The following ROBO2 variants were observed in gnomAD, a reference collection of about 807,000 sequenced individuals.
The protein encoded by ROBO2 is roundabout guidance receptor 2.
ROBO2 carries 53 observed loss-of-function variants against 160.8 expected under a neutral mutation model. That is an observed-to-expected ratio of 0.33 (90% CI 0.26 to 0.41). The LOEUF (loss-of-function observed/expected upper bound fraction) is 0.41, where lower values mean the gene tolerates loss of function less well. ROBO2 is among the 10% of genes least tolerant of loss of function. The pLI is 1.00. For synonymous variants in ROBO2, 664 were observed against 611.7 expected, an observed-to-expected ratio of 1.09 and a Z score of -1.26; for missense variants, 1,577 against 1,722.4, an observed-to-expected ratio of 0.92 and a Z score of 1.49.
intron 2 of ROBO2, among the ~76,000 whole-genome samples, chr3:76,955,053 C>A (rs1258281034): frequency 6.6e-6 from 1 of 152,150 alleles, no homozygotes; most frequent in Non-Finnish European, 1.5e-5. Flanking sequence ...CCTCTGCTAA[C>A]CTCTAATCTA....
intron 2 of ROBO2, among the ~76,000 whole-genome samples, chr3:77,419,036 G>T (rs1363195237): frequency 6.6e-6 from 1 of 152,180 alleles, no homozygotes; most frequent in African/African-American, 2.4e-5. Context: ...ATCAAGGTTT[G>T]GTTCTTTCTG....
intron 7 of ROBO2, among the ~76,000 whole-genome samples, chr3:77,546,910 G>A (rs1253870693): frequency 2.0e-5 from 3 of 152,056 alleles, no homozygotes; most frequent in East Asian, 3.9e-4. Flanking sequence ...TATATACACA[G>A]CATAAATGAC....
At chr3:77,256,453 A>C (rs866780802) in intron 2 of ROBO2, among the ~76,000 whole-genome samples, 4 of 152,326 alleles carry the variant, frequency 2.6e-5, no homozygotes, top group Middle Eastern at 6.8e-3. Context: ...CATCATTAAG[A>C]ATAAATGGGT....
At chr3:76,587,976 G>A (rs2086162421) in intron 2 of ROBO2, among the ~76,000 whole-genome samples, 1 of 152,040 alleles carries the variant, frequency 6.6e-6, no homozygotes, top group South Asian at 2.1e-4. Flanking sequence ...GGAGATACCT[G>A]ACTTTATTTA....
chr3:76,409,742 G>A (rs905032526), intron 2 of ROBO2, among the ~76,000 whole-genome samples: 1 of 151,914 alleles, frequency 6.6e-6, no homozygotes, highest in Non-Finnish European at 1.5e-5. Flanking sequence ...TTGTAAAAGG[G>A]GGATAGAAGT....
At chr3:76,450,344 A>G (rs541760237) in intron 2 of ROBO2, among the ~76,000 whole-genome samples, 1 of 152,220 alleles carries the variant, frequency 6.6e-6, no homozygotes, top group Non-Finnish European at 1.5e-5. Context: ...TGAGACTTTA[A>G]CTTGTATAAC....
At chr3:76,174,849 C>T (rs2073169460) in intron 2 of ROBO2, among the ~76,000 whole-genome samples, 1 of 152,150 alleles carries the variant, frequency 6.6e-6, no homozygotes, top group South Asian at 2.1e-4. Flanking sequence ...TATATGGGCT[C>T]TTTTTTGGTT....
rs111831494 is a variant in ROBO2 at position 76,674,808 on chromosome 3, C to T, written c.110-423206C>T. On this transcript the variant is annotated intron_variant, in intron 2 of 26. Coordinates refer to the ROBO2 transcript ENST00000487694. ...TGGGCAACCACACACTCACTAGCAA[C>T]GCCTTCACACCTAGGCTTTGTTTTT... Among the ~76,000 whole-genome samples the T allele has an allele frequency of 1.1e-3, 173 of 152,238 alleles. 1 individual carries two copies. The highest frequency in any genetic ancestry group is 3.9e-3 in the African/African-American group (161 of 41,560).
chr3:76,686,448 A>G (rs182143987), intron 2 of ROBO2, among the ~76,000 whole-genome samples: 64 of 148,954 alleles, frequency 4.3e-4, no homozygotes, highest in Non-Finnish European at 3.2e-4. Flanking sequence ...CAATCCTAAT[A>G]TTTTCCTGCT....
chr3:77,070,807 G>T lies in ROBO2; in HGVS notation c.62-27207G>T, dbSNP rs188867651. On this transcript the variant is annotated intron_variant, in intron 1 of 25. Transcript: ENST00000461745. ...GATTTACATTTCAAAGAGGTATCTC[G>T]GGCTATTGCGTAGAGGATGGACTGT... Among the ~76,000 whole-genome samples, 155 of 152,174 alleles carry T rather than the reference G, an allele frequency of 1.0e-3. 1 individual carries two copies. Among genetic ancestry groups the T allele is most frequent in the African/African-American group, 3.6e-3 (149 of 41,522 alleles).
chr3:76,706,872 A>G (rs74847128), intron 2 of ROBO2, among the ~76,000 whole-genome samples: 1,583 of 152,116 alleles, frequency 0.01, 21 homozygotes, highest in African/African-American at 0.027. Context: ...GAGGGTGACA[A>G]TTTTTTTCTA....
At chr3:76,389,758 C>A (rs968422038) in intron 2 of ROBO2, among the ~76,000 whole-genome samples, 11 of 152,190 alleles carry the variant, frequency 7.2e-5, no homozygotes, top group African/African-American at 2.7e-4. Flanking sequence ...CATCTTTCCA[C>A]TTTCCTTTGT....
At chr3:76,715,393 C>A (rs1183910482) in intron 2 of ROBO2, among the ~76,000 whole-genome samples, 1 of 152,164 alleles carries the variant, frequency 6.6e-6, no homozygotes, top group Non-Finnish European at 1.5e-5. Flanking sequence ...CAGTTTTATA[C>A]TTCAGAATTG....
intron 2 of ROBO2, among the ~76,000 whole-genome samples, chr3:76,691,399 A>G (rs1162836680): frequency 1.3e-5 from 2 of 152,126 alleles, no homozygotes; most frequent in African/African-American, 4.8e-5. Context: ...ACAGTGTGAG[A>G]TTAGGAAACG....
intron 1 of ROBO2, among the ~76,000 whole-genome samples, chr3:75,936,797 G>C (rs1441606161): frequency 2.0e-5 from 3 of 151,840 alleles, no homozygotes; most frequent in Non-Finnish European, 4.4e-5. Context: ...ATGAAAAGCA[G>C]TTTCAAAATG....
intron 1 of ROBO2, among the ~76,000 whole-genome samples, chr3:77,067,028 T>TCACACACACACACACACACACACA (rs144228628): frequency 3.1e-4 from 43 of 136,830 alleles, no homozygotes; most frequent in Non-Finnish European, 1.1e-4. Flanking sequence ...ACACACACAC[T>TCACACACACACACACACACACACA]CACACACACA....
At chr3:76,481,570 T>C (rs749349881) in intron 2 of ROBO2, among the ~76,000 whole-genome samples, 1 of 152,162 alleles carries the variant, frequency 6.6e-6, no homozygotes, top group Non-Finnish European at 1.5e-5. Flanking sequence ...CTTATACCAC[T>C]GTAGCTATGC....
Position 76,639,242 on chromosome 3 carries a change from ATATG to A in ROBO2, c.110-458768_110-458765del, listed in dbSNP as rs200021001. On this transcript the variant is annotated intron_variant, in intron 2 of 26. Transcript: ENST00000487694. Reference sequence around the variant, plus strand: ...TACATATTTACATATACAGACGTGCATATGTATATTTATATGTATGTTTATATGT... The same window carrying A: ...TACATATTTACATATACAGACGTGCATATATTTATATGTATGTTTATATGT... Among the ~76,000 whole-genome samples, 1,144 of 152,128 alleles carry A rather than the reference ATATG, an allele frequency of 7.5e-3. 13 individuals are homozygous for A. Among genetic ancestry groups the A allele is most frequent in the African/African-American group, 0.026 (1,091 of 41,498 alleles).
chr3:76,165,555 T>G (rs1436592385), intron 2 of ROBO2, among the ~76,000 whole-genome samples: 5 of 152,184 alleles, frequency 3.3e-5, no homozygotes, highest in Non-Finnish European at 5.9e-5. Context: ...TAAATTTTCT[T>G]CAAGAACTTT....
Sources: allele counts gnomAD v4.1 joint callset (sites outside exome capture counted in the v4.1 genomes callset), GRCh38; gene constraint gnomAD v4.1.1; transcripts MANE v1.5; gene names NCBI Gene and HGNC (gene_info 2026-07-23, HGNC 2026-07-21).